NFS1: variants seen among roughly 807,000 people sequenced by gnomAD.
The protein encoded by NFS1 is cysteine desulfurase.
In NFS1, 26 loss-of-function variants were observed where a neutral mutation model predicts 57.3. That is an observed-to-expected ratio of 0.45 (90% CI 0.33 to 0.63). The LOEUF (loss-of-function observed/expected upper bound fraction) is 0.63. Among genes scored for constraint, NFS1 ranks in the 20% least tolerant of loss-of-function variants. The probability of loss-of-function intolerance (pLI) is 0.02; values close to 1 mark genes in which losing one functional copy is unlikely to be tolerated. For synonymous variants in NFS1, 209 were observed against 216.3 expected (o/e 0.97, Z 0.30); for missense variants, 505 against 605.8 (o/e 0.83, Z 1.75).
chr20:35,696,571 A>G (rs1317745662), intron 3 of NFS1, 111 bp from the exon 4 acceptor site: 2 of 745,718 alleles, frequency 2.7e-6, no homozygotes, highest in Non-Finnish European at 4.7e-6. Flanking sequence ...CATTCCACCA[A>G]ATTGCCCTGG....
chr20:35,684,567 T>C (rs1482539325), intron 5 of NFS1, among the ~76,000 whole-genome samples: 1 of 151,392 alleles, frequency 6.6e-6, no homozygotes, highest in East Asian at 1.9e-4. Flanking sequence ...CCAGCCAACA[T>C]GGTGAAACCC....
rs144318535 is a variant in NFS1, at chr20:35,672,611, C to T, written c.1310+144G>A. 1.0e-4 allele frequency: 70 copies of T among 667,294 alleles called. No individual in the cohort carries two copies. The African/African-American group carries it at 1.2e-3, about 12-fold the overall frequency. 41.3% of individuals were successfully genotyped at this position (667,294 alleles called of 1,614,324 possible). On this transcript the variant is annotated intron_variant, in intron 12 of 12. Transcript: ENST00000374092. ...GAAGACAAGTAGCCAAGAAGATCTACTTTCTTGCTTTGTGGAATCTCTAAA... is the reference window on the plus strand; with the variant it reads ...GAAGACAAGTAGCCAAGAAGATCTATTTTCTTGCTTTGTGGAATCTCTAAA...
chr20:35,681,492 G>A (rs2034848433), intron 6 of NFS1, among the ~76,000 whole-genome samples: 1 of 152,192 alleles, frequency 6.6e-6, no homozygotes, highest in Non-Finnish European at 1.5e-5. Flanking sequence ...GAGGTTAGGA[G>A]TTCAAGACCA....
At chr20:35,672,511 A>G (rs2034673793) in intron 12 of NFS1, among the ~76,000 whole-genome samples, 1 of 152,148 alleles carries the variant, frequency 6.6e-6, no homozygotes, top group Non-Finnish European at 1.5e-5. Context: ...TCGGCTTCCC[A>G]AAGTGCTAGG....
At chr20:35,680,308 A>G (rs2034826677) in intron 7 of NFS1, among the ~76,000 whole-genome samples, 1 of 148,030 alleles carries the variant, frequency 6.8e-6, no homozygotes, top group Admixed American at 6.8e-5. Context: ...CCGTCTCAAG[A>G]AAAAAAAAAA....
intron 11 of NFS1, 25 bp downstream of exon 11, chr20:35,673,575 TA>T: frequency 6.3e-7 from 1 of 1,595,946 alleles, no homozygotes; most frequent in Non-Finnish European, 8.6e-7. Context: ...ATGCCTTTCA[TA>T]AATGTTGCAG....
chr20:35,680,969 T>C, intron 6 of NFS1, 98 bp from the exon 7 acceptor site: 1 of 1,061,662 alleles, frequency 9.4e-7, no homozygotes. Flanking sequence ...GTAAATGACC[T>C]GTAAATATTA....
chr20:35,669,412 C>T lies in NFS1; in HGVS notation c.*210G>A, dbSNP rs73093172. On this transcript the variant is annotated 3_prime_UTR_variant, in exon 13 of 13. Transcript: ENST00000374092. The stretch of plus-strand genomic sequence containing the variant: ...GAAAATGTCCACACACTTTAAGACC[C>T]GAGAAGAAATGGGGAGTGCTCCACA... 1.1e-4 allele frequency: 59 copies of T among 524,656 alleles called. No individual in the cohort carries two copies. The highest frequency in any genetic ancestry group is 1.9e-4 in the Non-Finnish European group (56 of 288,804). 32.5% of individuals were successfully genotyped at this position (524,656 alleles called of 1,614,324 possible). A position where few individuals can be genotyped will look rare whatever the true frequency, so the allele number is the denominator to read the frequency against.
chr20:35,690,612 C>T (rs989224386), intron 4 of NFS1, 47 bp from the exon 5 acceptor site: 10 of 1,595,516 alleles, frequency 6.3e-6, no homozygotes, highest in East Asian at 2.2e-5. Context: ...CTCAGAGAGA[C>T]AGCAATGACT....
Position 35,675,502 on chromosome 20 carries a change from G to A in NFS1, c.791-300C>T, listed in dbSNP as rs563170694. 37 of 367,082 alleles carry A rather than the reference G, an allele frequency of 1.0e-4. No individual in the cohort carries two copies. The South Asian group carries it at 1.2e-3, about 12-fold the overall frequency. 22.7% of individuals were successfully genotyped at this position (367,082 alleles called of 1,614,324 possible). On this transcript the variant is annotated intron_variant, in intron 7 of 12. Transcript: ENST00000374092. ...TTATTCATAATAGCAAAAATACTGG[G>A]AACAACTTAGATGTCCATCATCAGG...
intron 7 of NFS1, chr20:35,675,666 C>G (rs913367333): frequency 6.2e-6 from 1 of 160,112 alleles, no homozygotes; most frequent in Admixed American, 6.2e-5. Flanking sequence ...CACCTGAGAT[C>G]AGAAGTTAGA....
intron 12 of NFS1, among the ~76,000 whole-genome samples, chr20:35,670,632 A>G (rs1289413014): frequency 6.6e-6 from 1 of 152,182 alleles, no homozygotes; most frequent in African/African-American, 2.4e-5. Context: ...CTCACAAAAT[A>G]AGACTCTGAG....
At chr20:35,675,223 C>A in intron 7 of NFS1, 21 bp from the exon 8 acceptor site, 7 of 1,567,902 alleles carry the variant, frequency 4.5e-6, no homozygotes, top group Admixed American at 3.8e-5. Flanking sequence ...AAATTTGTTA[C>A]AAAAAACAGA....
At chr20:35,680,706 A>G in intron 7 of NFS1, 31 bp downstream of exon 7, 3 of 1,474,272 alleles carry the variant, frequency 2.0e-6, no homozygotes, top group South Asian at 1.5e-5. Flanking sequence ...TGGAAGGTAC[A>G]GAGAGAAGGA....
At chr20:35,687,981 C>T (rs1269890121) in intron 5 of NFS1, among the ~76,000 whole-genome samples, 5 of 152,170 alleles carry the variant, frequency 3.3e-5, no homozygotes, top group Admixed American at 6.6e-5. Flanking sequence ...CAGTGGCTCA[C>T]GTCTATAATC....
chr20:35,688,890 G>C (rs2034991844), intron 5 of NFS1, among the ~76,000 whole-genome samples: 1 of 152,140 alleles, frequency 6.6e-6, no homozygotes, highest in Non-Finnish European at 1.5e-5. Context: ...AAATGTTACT[G>C]ATTGATGACT....
At chr20:35,680,358 G>A (rs2034827409) in intron 7 of NFS1, among the ~76,000 whole-genome samples, 2 of 152,012 alleles carry the variant, frequency 1.3e-5, no homozygotes, top group African/African-American at 4.8e-5. Flanking sequence ...ATCTTCCCCT[G>A]AGCTATAGCA....
At chr20:35,679,217 G>C (rs1030483871) in intron 7 of NFS1, among the ~76,000 whole-genome samples, 1 of 152,086 alleles carries the variant, frequency 6.6e-6, no homozygotes, top group Admixed American at 6.6e-5. Flanking sequence ...TTTTGAGAGG[G>C]AGTCTCGCCT....
chr20:35,685,758 T>A (rs1216785944), intron 5 of NFS1, among the ~76,000 whole-genome samples: 3 of 137,146 alleles, frequency 2.2e-5, no homozygotes, highest in African/African-American at 8.3e-5. Context: ...CTGAGGAGGC[T>A]AAGTCAGGAG....
Sources: gnomAD v4.1 joint callset for allele counts (sites outside exome capture counted in the v4.1 genomes callset) on GRCh38, gnomAD v4.1.1 for gene constraint, MANE v1.5 for transcripts, NCBI Gene and HGNC (gene_info 2026-07-23, HGNC 2026-07-21) for gene names.